The following ITGAD variants were observed in gnomAD, a reference collection of about 807,000 sequenced individuals.
ITGAD encodes integrin alpha-D.
Under a neutral mutation model 139.0 loss-of-function variants are expected in ITGAD, and 105 were observed. The observed-to-expected ratio is 0.76, with a 90% CI of 0.65 to 0.89. The LOEUF (loss-of-function observed/expected upper bound fraction) is 0.89, where lower values mean the gene tolerates loss of function less well. Among genes scored for constraint, ITGAD ranks in the 40% least tolerant of loss-of-function variants. The pLI is 0.00. For synonymous variants in ITGAD, 569 were observed against 598.3 expected, an observed-to-expected ratio of 0.95 and a Z score of 0.71; for missense variants, 1,384 against 1,487.3, an observed-to-expected ratio of 0.93 and a Z score of 1.14.
At chr16:31,393,452 G>A in intron 1 of ITGAD, 61 bp downstream of exon 1, 1 of 1,587,738 alleles carries the variant, frequency 6.3e-7, no homozygotes, top group Non-Finnish European at 8.6e-7. Context: ...CTCCATCTGG[G>A]AGGGCAGGCT....
At chr16:31,400,140 C>T (rs903390224) in intron 5 of ITGAD, among the ~76,000 whole-genome samples, 8 of 152,238 alleles carry the variant, frequency 5.3e-5, no homozygotes, top group Admixed American at 2.0e-4. Flanking sequence ...AAAACAGGCA[C>T]CACTGCAAGA....
At chr16:31,425,212 C>G (rs184540136) in intron 29 of ITGAD, among the ~76,000 whole-genome samples, 175 of 152,200 alleles carry the variant, frequency 1.1e-3, no homozygotes, top group Non-Finnish European at 1.5e-3. Context: ...GCTAGGACTA[C>G]AGGCACACAC....
chr16:31,416,589 C>T lies in ITGAD; in HGVS notation c.2442C>T (p.Thr814=), dbSNP rs146491716. The T allele has an allele frequency of 1.5e-5, 24 of 1,613,660 alleles. 1 individual carries two copies. The highest frequency in any genetic ancestry group is 5.5e-5 in the South Asian group (5 of 91,076). The change falls in exon 20 of 30, where the codon ACC becomes ACT. Residue 814 remains threonine, a synonymous_variant. Coordinates refer to ENST00000389202, the MANE Select transcript of ITGAD (RefSeq NM_005353.3). ...VWNAGEDSYG[T]VVSLYYPAGL... is the part of the protein sequence containing the mutation. Reference sequence around the variant, plus strand: ...ACGCAGGTGAGGATTCCTACGGAACCGTGGTCAGCCTCTACTATCCAGCAG... The same window carrying T: ...ACGCAGGTGAGGATTCCTACGGAACTGTGGTCAGCCTCTACTATCCAGCAG...
chr16:31,398,520 C>T (rs1161057636), intron 5 of ITGAD, among the ~76,000 whole-genome samples: 3 of 151,770 alleles, frequency 2.0e-5, no homozygotes, highest in African/African-American at 7.3e-5. Flanking sequence ...CTTGCTCTGT[C>T]GCCCAGGCTG....
At chr16:31,405,205 C>T (rs11863026) in intron 7 of ITGAD, among the ~76,000 whole-genome samples, 59,025 of 151,924 alleles carry the variant, frequency 0.39, 11,743 homozygotes, top group East Asian at 0.57. Context: ...AGGCTGGTCT[C>T]GAACTCCTGA....
In ITGAD at chr16:31,414,881, A is replaced by G; in HGVS notation, c.2173A>G (p.Ser725Gly). The change falls in exon 18 of 30, where the codon AGC becomes GGC. Residue 725 changes from serine to glycine, a missense_variant. By Grantham distance (56) the Ser-to-Gly change is moderately conservative. Transcript: ENST00000389202. ...TCAGGATTGTGTGGAGGATGTGGTG[A>G]GCCCCATCATTCTGCACCTCAACTT... ...LLPDCVEDVV[S>G]PIILHLNFSL... 6.2e-7 allele frequency: 1 copy of G among 1,613,960 alleles called. No homozygotes were observed. Among genetic ancestry groups the G allele is most frequent in the Non-Finnish European group, 8.5e-7 (1 of 1,179,954 alleles).
intron 6 of ITGAD, 111 bp downstream of exon 6, chr16:31,402,356 G>T: frequency 2.0e-6 from 2 of 993,260 alleles, no homozygotes; most frequent in Non-Finnish European, 3.0e-6. Context: ...GATGGGGCTG[G>T]GGTGGAGAAT....
chr16:31,423,672 C>G, intron 26 of ITGAD, 24 bp downstream of exon 26: 1 of 1,601,598 alleles, frequency 6.2e-7, no homozygotes, highest in Non-Finnish European at 8.5e-7. Flanking sequence ...TGAACCCCCA[C>G]CGCCAAGATC....
chr16:31,419,905 C>T (rs2081975955), intron 23 of ITGAD, among the ~76,000 whole-genome samples: 1 of 152,056 alleles, frequency 6.6e-6, no homozygotes, highest in Non-Finnish European at 1.5e-5. Context: ...TATTTGTACC[C>T]TAATAATATA....
rs2081847005 is a variant in ITGAD, at chr16:31,414,950, C to T, written c.2242C>T (p.Pro748Ser). 1 of 1,614,050 alleles carries T rather than the reference C, an allele frequency of 6.2e-7. No individual in the cohort carries two copies. Among genetic ancestry groups the T allele is most frequent in the Non-Finnish European group, 8.5e-7 (1 of 1,180,034 alleles). ...EPIPSPQNLR[P>S]VLAVGSQDLF... is the part of the protein sequence containing the mutation. ...CATCCCCTCCCCCCAGAACCTGCGT[C>T]CTGTGCTGGCCGTGGGCTCACAAGA... is the stretch of plus-strand genomic sequence containing the variant. Residue 748 changes from proline to serine, a missense_variant, in exon 18 of 30, where the codon CCT (proline) becomes TCT (serine). By Grantham distance (74) the Pro-to-Ser change is moderately conservative. Coordinates refer to ENST00000389202, the MANE Select transcript of ITGAD (RefSeq NM_005353.3).
Position 31,425,889 on chromosome 16 carries a change from C to T in ITGAD, c.3373-126C>T, listed in dbSNP as rs900873137. On this transcript the variant is annotated intron_variant, in intron 29 of 29. Coordinates refer to ENST00000389202, the MANE Select transcript of ITGAD (RefSeq NM_005353.3). ...AGAGACGGGGTTTCACCATGTTGGC[C>T]AGGCTGGTCTCCAGCTCCTGACCTC... 8 of 611,540 alleles carry T rather than the reference C, an allele frequency of 1.3e-5. No individual in the cohort carries two copies. The African/African-American group carries it at 1.5e-4, about 11-fold the overall frequency. The allele number at this position is 611,540 out of a possible 1,614,324, so 37.9% of individuals were successfully genotyped here. A position where few individuals can be genotyped will look rare whatever the true frequency, so the allele number is the denominator to read the frequency against.
rs2081938507 is a variant in ITGAD, at chr16:31,418,305, C to T, written c.2621C>T (p.Thr874Ile). 2.5e-6 allele frequency: 4 copies of T among 1,613,806 alleles called. No individual in the cohort carries two copies. The African/African-American group carries it at 5.3e-5, about 22-fold the overall frequency. ...HPIFHEGSNG[T>I]FIVTFDVSYK... ...CTTTCCTTCTTCTTCCCTCAGGGCACCTTCATAGTCACATTCGATGTCTCC... is the reference window on the plus strand; with the variant it reads ...CTTTCCTTCTTCTTCCCTCAGGGCATCTTCATAGTCACATTCGATGTCTCC... Residue 874 changes from threonine (T) to isoleucine (I), a missense_variant, in exon 22 of 30, where the codon ACC (threonine) becomes ATC (isoleucine). Physicochemically the swap from Thr to Ile is moderately conservative, Grantham distance 89. Transcript: ENST00000389202.
intron 7 of ITGAD, among the ~76,000 whole-genome samples, chr16:31,405,872 G>A (rs1019951045): frequency 1.3e-5 from 2 of 151,960 alleles, no homozygotes; most frequent in Admixed American, 6.6e-5. Context: ...TGAACTCCGG[G>A]CCTCGAGAGA....
chr16:31,397,427 C>G lies in ITGAD; in HGVS notation c.206C>G (p.Ala69Gly), dbSNP rs527555154. The G allele has an allele frequency of 3.7e-6, 6 of 1,602,286 alleles. No individual in the cohort carries two copies. Among genetic ancestry groups the G allele is most frequent in the Non-Finnish European group, 5.1e-6 (6 of 1,174,816 alleles). The change falls in exon 3 of 30, where the codon GCT (alanine) becomes GGT (glycine). Residue 69 changes from alanine (A) to glycine (G), a missense_variant. Transcript: ENST00000389202. Reference sequence around the variant, plus strand: ...ACGGGACGGCTGTATGACTGCGCAGCTGCCACCGGCATGTGCCAGCCCATC... The same window carrying G: ...ACGGGACGGCTGTATGACTGCGCAGGTGCCACCGGCATGTGCCAGCCCATC... ...NQTGRLYDCAAATGMCQPIPL... is the reference protein window; with the variant it reads ...NQTGRLYDCAGATGMCQPIPL...
chr16:31,408,626 C>A (rs117626113), intron 10 of ITGAD, 128 bp downstream of exon 10: 2 of 762,030 alleles, frequency 2.6e-6, no homozygotes, highest in Admixed American at 2.3e-5. Context: ...GAGGCCCCCA[C>A]GCGTGTGTTA....
chr16:31,416,741 A>T, intron 20 of ITGAD, 95 bp downstream of exon 20: 9 of 1,253,666 alleles, frequency 7.2e-6, no homozygotes, highest in Non-Finnish European at 1.0e-5. Flanking sequence ...TTCTGTGATG[A>T]TATGTGCTCT....
rs781138905 is a variant in ITGAD at position 31,397,873 on chromosome 16, T to G, written c.391T>G (p.Trp131Gly). ...KGSCLLLGSRWEIIQTVPDAT... is the reference protein window; with the variant it reads ...KGSCLLLGSRGEIIQTVPDAT... ...TTCCTGCCTCCTGCTGGGCTCGCGC[T>G]GGGAGATCATCCAGACAGTCCCCGA... Residue 131 changes from tryptophan (W) to glycine (G), a missense_variant, in exon 5 of 30, where the codon TGG (tryptophan) becomes GGG (glycine). By Grantham distance (184) the Trp-to-Gly change is radical. Coordinates refer to ENST00000389202, the MANE Select transcript of ITGAD (RefSeq NM_005353.3). 4 of 1,613,616 alleles carry G rather than the reference T, an allele frequency of 2.5e-6. No homozygotes were observed. Among genetic ancestry groups the G allele is most frequent in the Non-Finnish European group, 2.5e-6 (3 of 1,179,918 alleles).
chr16:31,410,189 G>A (rs1338489214), intron 10 of ITGAD, among the ~76,000 whole-genome samples: 1 of 152,138 alleles, frequency 6.6e-6, no homozygotes, highest in Non-Finnish European at 1.5e-5. Flanking sequence ...GCACAGCGGG[G>A]GCAGACAGGG....
intron 14 of ITGAD, among the ~76,000 whole-genome samples, chr16:31,412,309 G>C (rs2081744850): frequency 6.6e-6 from 1 of 152,246 alleles, no homozygotes; most frequent in East Asian, 1.9e-4. Flanking sequence ...CTCCCAAAGT[G>C]CTCGGATTAC....
Sources: gnomAD v4.1 joint callset for allele counts (sites outside exome capture counted in the v4.1 genomes callset) on GRCh38, gnomAD v4.1.1 for gene constraint, MANE v1.5 for transcripts, NCBI Gene and HGNC (gene_info 2026-07-23, HGNC 2026-07-21) for gene names.